Variants in CCDC171 observed in about 807,000 individuals in gnomAD.
The protein encoded by CCDC171 is coiled-coil domain containing 171, also known as coiled-coil domain-containing protein 171.
A neutral mutation model predicts 168.2 loss-of-function variants in CCDC171; 177 were observed. That is an observed-to-expected ratio of 1.05 (90% CI 0.93 to 1.19). The LOEUF (loss-of-function observed/expected upper bound fraction) is 1.19, where lower values mean the gene tolerates loss of function less well. CCDC171 is among the 50% of genes most tolerant of loss of function. The pLI is 0.00. For missense variants in CCDC171, 1,991 were observed against 1,539.0 expected (o/e 1.29, Z -4.91); for synonymous variants, 687 against 540.8 (o/e 1.27, Z -3.75).
At chr9:15,952,251 A>T (rs1312588853) in intron 25 of CCDC171, among the ~76,000 whole-genome samples, 1 of 152,174 alleles carries the variant, frequency 6.6e-6, no homozygotes, top group Non-Finnish European at 1.5e-5. Context: ...ATCTGTCTTT[A>T]TGCCAGTACA....
downstream of CCDC171, among the ~76,000 whole-genome samples, chr9:15,974,718 T>TA (rs1250661864): frequency 6.6e-6 from 1 of 152,188 alleles, no homozygotes; most frequent in Non-Finnish European, 1.5e-5. Flanking sequence ...ATGACATAAA[T>TA]AAATAACCTT....
chr9:16,012,591 G>C (rs562031240), intron 3 of CCDC171, among the ~76,000 whole-genome samples: 1 of 96,324 alleles, frequency 1.0e-5, no homozygotes, highest in Admixed American at 1.3e-4. Context: ...CAAAGAATTC[G>C]TTATGGATTG....
At chr9:15,781,914 C>T (rs1467971776) in intron 20 of CCDC171, among the ~76,000 whole-genome samples, 1 of 152,038 alleles carries the variant, frequency 6.6e-6, no homozygotes, top group African/African-American at 2.4e-5. Context: ...CAGATAGAAA[C>T]TAAGTAGCTT....
At chr9:15,651,905 G>A (rs1010534568) in intron 7 of CCDC171, among the ~76,000 whole-genome samples, 1 of 152,016 alleles carries the variant, frequency 6.6e-6, no homozygotes, top group Non-Finnish European at 1.5e-5. Context: ...CTAAGGTCAT[G>A]AAGATTTTTG....
intron 11 of CCDC171, among the ~76,000 whole-genome samples, chr9:15,712,028 G>A (rs754425563): frequency 2.0e-5 from 3 of 152,224 alleles, no homozygotes; most frequent in East Asian, 1.9e-4. Context: ...AGAACTGGGA[G>A]AGCTGATGAT....
intron 21 of CCDC171, among the ~76,000 whole-genome samples, chr9:15,822,286 G>A (rs1326483043): frequency 6.6e-6 from 1 of 152,066 alleles, no homozygotes; most frequent in East Asian, 1.9e-4. Flanking sequence ...AGGATTTCAT[G>A]TCTAAAACAC....
chr9:15,644,447 C>T (rs534521764), intron 7 of CCDC171, among the ~76,000 whole-genome samples: 12 of 152,212 alleles, frequency 7.9e-5, no homozygotes, highest in African/African-American at 2.2e-4. Context: ...GGTGAGGCAT[C>T]GTCTCACCCG....
intron 21 of CCDC171, among the ~76,000 whole-genome samples, chr9:15,831,975 G>T (rs931178005): frequency 2.6e-5 from 4 of 151,666 alleles, no homozygotes; most frequent in Non-Finnish European, 4.4e-5. Flanking sequence ...TTCTTTTTTT[G>T]TCCCCTGTGC....
At chr9:15,735,617 T>G (rs1279962574) in intron 16 of CCDC171, among the ~76,000 whole-genome samples, 1 of 152,168 alleles carries the variant, frequency 6.6e-6, no homozygotes, top group African/African-American at 2.4e-5. Context: ...GTATTGAGAG[T>G]GTATTTGGCA....
intron 8 of CCDC171, 111 bp from the exon 9 acceptor site, chr9:15,666,052 A>C: frequency 1.1e-6 from 1 of 908,932 alleles, no homozygotes; most frequent in Admixed American, 2.7e-5. Flanking sequence ...AGCAGAAAGA[A>C]AGAAGTGCTT....
At chr9:15,992,030 A>G (rs1198158118) in intron 3 of CCDC171, among the ~76,000 whole-genome samples, 1 of 152,220 alleles carries the variant, frequency 6.6e-6, no homozygotes, top group Non-Finnish European at 1.5e-5. Context: ...TTCCTTCTGA[A>G]ACTATTTCAA....
At chr9:16,058,457 C>T (rs1314609611) in intron 1 of CCDC171, among the ~76,000 whole-genome samples, 1 of 152,202 alleles carries the variant, frequency 6.6e-6, no homozygotes, top group Non-Finnish European at 1.5e-5. Context: ...GTCACCTCCC[C>T]GTCCAGATGT....
chr9:16,078,137 G>A, the CCDC171 span, among the ~76,000 whole-genome samples: 1 of 151,676 alleles, frequency 6.6e-6, no homozygotes, highest in African/African-American at 2.4e-5. Flanking sequence ...GCTTGATTGC[G>A]GTCATTTCAG....
chr9:15,772,760 C>G (rs916589902), intron 18 of CCDC171, among the ~76,000 whole-genome samples: 5 of 152,148 alleles, frequency 3.3e-5, no homozygotes, highest in African/African-American at 1.2e-4. Context: ...GTTATTCTAT[C>G]TACTTTGTGG....
the CCDC171 span, among the ~76,000 whole-genome samples, chr9:16,097,589 G>C: frequency 6.6e-6 from 1 of 152,170 alleles, no homozygotes; most frequent in Non-Finnish European, 1.5e-5. Flanking sequence ...GGATTTCAAT[G>C]AGCAAGCATA....
intron 24 of CCDC171, among the ~76,000 whole-genome samples, chr9:15,901,062 A>C (rs1444738613): frequency 2.0e-5 from 3 of 152,220 alleles, no homozygotes; most frequent in Admixed American, 6.5e-5. Flanking sequence ...TTGTTATTAA[A>C]TATGCTCCAT....
rs2039175832 is a variant in CCDC171 at position 15,560,244 on chromosome 9, C to G, written c.-111-3734C>G. 3.9e-5 allele frequency among the ~76,000 whole-genome samples: 6 copies of G among 152,004 alleles called. No individual in the cohort carries two copies. The South Asian group carries it at 1.2e-3, about 32-fold the overall frequency. On this transcript the variant is annotated intron_variant, in intron 1 of 25. Transcript: ENST00000380701. ...TCTTGTGGAGTATCTTTGTGGCGTTCTCTGTATTTCCTGAATTTGAATGTT... is the reference window on the plus strand; with the variant it reads ...TCTTGTGGAGTATCTTTGTGGCGTTGTCTGTATTTCCTGAATTTGAATGTT...
At chr9:15,946,921 A>G (rs933107503) in intron 25 of CCDC171, among the ~76,000 whole-genome samples, 1 of 151,990 alleles carries the variant, frequency 6.6e-6, no homozygotes, top group East Asian at 2.0e-4. Context: ...GCACTTTTAT[A>G]TATAAACACT....
chr9:15,608,175 A>G (rs180750532), intron 6 of CCDC171, among the ~76,000 whole-genome samples: 116 of 152,300 alleles, frequency 7.6e-4, no homozygotes, highest in African/African-American at 2.6e-3. Flanking sequence ...CCCATTCACA[A>G]GGGCAGAGCT....
Sources: allele counts gnomAD v4.1 joint callset (sites outside exome capture counted in the v4.1 genomes callset), GRCh38; gene constraint gnomAD v4.1.1; transcripts MANE v1.5; gene names NCBI Gene and HGNC (gene_info 2026-07-23, HGNC 2026-07-21).